The following RALGAPA2 variants were observed in gnomAD, a reference collection of about 807,000 sequenced individuals.
RALGAPA2 encodes ral GTPase-activating protein subunit alpha-2.
Under a neutral mutation model 230.4 loss-of-function variants are expected in RALGAPA2, and 139 were observed. The observed-to-expected ratio is 0.60, with a 90% confidence interval of 0.53 to 0.69. The LOEUF (loss-of-function observed/expected upper bound fraction) is 0.69. RALGAPA2 is among the 30% of genes least tolerant of loss of function. RALGAPA2 has a pLI of 0.00. For missense variants in RALGAPA2, 2,163 were observed against 2,276.0 expected, an observed-to-expected ratio of 0.95 and a Z score of 1.01; for synonymous variants, 847 against 837.8, an observed-to-expected ratio of 1.01 and a Z score of -0.19.
At chr20:20,587,110 G>T (rs2065156307) in intron 18 of RALGAPA2, among the ~76,000 whole-genome samples, 3 of 152,042 alleles carry the variant, frequency 2.0e-5, no homozygotes, top group Non-Finnish European at 2.9e-5. Flanking sequence ...CGAACCAAAA[G>T]ATTCCTGCAC....
intron 20 of RALGAPA2, among the ~76,000 whole-genome samples, chr20:20,582,823 T>A (rs528302458): frequency 2.0e-5 from 3 of 152,344 alleles, no homozygotes; most frequent in Admixed American, 1.3e-4. Context: ...TTATAACATG[T>A]ATGAGTTGGA....
chr20:20,406,320 G>C (rs887280068), intron 38 of RALGAPA2, among the ~76,000 whole-genome samples: 1 of 152,106 alleles, frequency 6.6e-6, no homozygotes, highest in Admixed American at 6.5e-5. Context: ...CTTGGTGATG[G>C]AATGATAGCT....
chr20:20,644,388 C>G (rs2067141547), intron 4 of RALGAPA2, among the ~76,000 whole-genome samples: 1 of 152,172 alleles, frequency 6.6e-6, no homozygotes, highest in Non-Finnish European at 1.5e-5. Context: ...ATTTACTCCA[C>G]CAATGAATTT....
chr20:20,687,512 G>A (rs554036503), intron 1 of RALGAPA2, among the ~76,000 whole-genome samples: 22 of 151,844 alleles, frequency 1.4e-4, no homozygotes, highest in Middle Eastern at 3.4e-3. Context: ...TGGGAGAGCC[G>A]CAAGTAGTTG....
intron 3 of RALGAPA2, among the ~76,000 whole-genome samples, chr20:20,656,847 A>G (rs947371117): frequency 2.6e-5 from 4 of 152,186 alleles, no homozygotes; most frequent in Admixed American, 6.5e-5. Context: ...AGACTCTGGA[A>G]CTGAGAATAA....
intron 1 of RALGAPA2, among the ~76,000 whole-genome samples, chr20:20,709,085 G>T (rs6137109): frequency 6.6e-6 from 1 of 152,028 alleles, no homozygotes; most frequent in Admixed American, 6.6e-5. Context: ...TTGGGAGGCC[G>T]AGTCGGGCAG....
intron 37 of RALGAPA2, among the ~76,000 whole-genome samples, chr20:20,434,329 G>A (rs550278142): frequency 2.6e-5 from 4 of 152,214 alleles, no homozygotes; most frequent in East Asian, 1.9e-4. Context: ...AGTCAGCAAC[G>A]AGGCCTTGGA....
intron 37 of RALGAPA2, among the ~76,000 whole-genome samples, chr20:20,449,072 G>A (rs1361412766): frequency 6.6e-6 from 1 of 152,188 alleles, no homozygotes; most frequent in Non-Finnish European, 1.5e-5. Context: ...TAATTAAACA[G>A]TGCGGGTGGA....
At chr20:20,680,306 G>A (rs1037161146) in intron 2 of RALGAPA2, among the ~76,000 whole-genome samples, 2 of 152,202 alleles carry the variant, frequency 1.3e-5, no homozygotes. Context: ...AGGAGATGCA[G>A]GAAATCTTTA....
rs142574910 is a variant in RALGAPA2 at position 20,632,941 on chromosome 20, A to C, written c.1005+2477T>G. Among the ~76,000 whole-genome samples the C allele has an allele frequency of 2.4e-3, 365 of 152,126 alleles. 2 individuals carry two copies. Among genetic ancestry groups the C allele is most frequent in the African/African-American group, 8.3e-3 (343 of 41,500 alleles). The stretch of plus-strand genomic sequence containing the variant: ...ATTTGGCCTTCTGTAGTCTTTAGAC[A>C]TAAAAATCTTTCACTTTTTTTTTTT... On this transcript the variant is annotated intron_variant, in intron 9 of 39. Transcript: ENST00000202677.
intron 31 of RALGAPA2, among the ~76,000 whole-genome samples, chr20:20,515,550 G>T (rs141759367): frequency 6.6e-4 from 100 of 152,304 alleles, no homozygotes; most frequent in African/African-American, 2.3e-3. Context: ...TCCCTATGAG[G>T]GAATCTGAAA....
intron 37 of RALGAPA2, among the ~76,000 whole-genome samples, chr20:20,459,418 T>G (rs1359124429): frequency 1.3e-5 from 2 of 150,478 alleles, no homozygotes; most frequent in African/African-American, 4.9e-5. Flanking sequence ...CTTAAGAGGT[T>G]TTTTTGCTTT....
At chr20:20,624,670 A>C (rs2066436383) in intron 10 of RALGAPA2, among the ~76,000 whole-genome samples, 1 of 152,202 alleles carries the variant, frequency 6.6e-6, no homozygotes, top group African/African-American at 2.4e-5. Context: ...GGAAACCCAT[A>C]GTGCTATCTA....
At chr20:20,469,221 A>C (rs6046884) in intron 37 of RALGAPA2, among the ~76,000 whole-genome samples, 11,631 of 152,126 alleles carry the variant, frequency 0.076, 718 homozygotes, top group East Asian at 0.17. Flanking sequence ...CATTTGACTT[A>C]TTTTCTGAAA....
intron 10 of RALGAPA2, among the ~76,000 whole-genome samples, chr20:20,625,766 G>A (rs1031171047): frequency 2.0e-5 from 3 of 152,004 alleles, no homozygotes; most frequent in African/African-American, 7.3e-5. Context: ...TCTGAAAAAC[G>A]CCAATGAGAA....
At chr20:20,706,297 G>A (rs1290892310) in intron 1 of RALGAPA2, among the ~76,000 whole-genome samples, 3 of 152,108 alleles carry the variant, frequency 2.0e-5, no homozygotes, top group Non-Finnish European at 4.4e-5. Flanking sequence ...CTACATATAC[G>A]TGTCCAAAGT....
chr20:20,613,703 C>A (rs1452311296), intron 13 of RALGAPA2, among the ~76,000 whole-genome samples: 3 of 152,158 alleles, frequency 2.0e-5, no homozygotes, highest in Non-Finnish European at 4.4e-5. Context: ...TTTTCTTTTA[C>A]CTTTTCTCCC....
chr20:20,557,840 A>G (rs781677315), intron 23 of RALGAPA2, among the ~76,000 whole-genome samples: 24 of 152,204 alleles, frequency 1.6e-4, no homozygotes, highest in Non-Finnish European at 2.4e-4. Context: ...GGAGAACGGC[A>G]TCAATCAAGG....
At chr20:20,706,048 C>T (rs1335933734) in intron 1 of RALGAPA2, among the ~76,000 whole-genome samples, 1 of 152,180 alleles carries the variant, frequency 6.6e-6, no homozygotes, top group Non-Finnish European at 1.5e-5. Flanking sequence ...CTCTACATAC[C>T]TAGTAAAAGT....
Sources: gnomAD v4.1 joint callset for allele counts (sites outside exome capture counted in the v4.1 genomes callset) on GRCh38, gnomAD v4.1.1 for gene constraint, MANE v1.5 for transcripts, NCBI Gene and HGNC (gene_info 2026-07-23, HGNC 2026-07-21) for gene names.